The following ATP2B3 variants were observed in gnomAD, a reference collection of about 807,000 sequenced individuals.
ATP2B3 encodes the protein ATPase plasma membrane Ca2+ transporting 3.
ATP2B3 carries 12 observed loss-of-function variants against 70.8 expected under a neutral mutation model. That is an observed-to-expected ratio of 0.17 (90% CI 0.11 to 0.27). The LOEUF (loss-of-function observed/expected upper bound fraction) is 0.27, where lower values mean the gene tolerates loss of function less well. ATP2B3 is among the 10% of genes least tolerant of loss of function. The pLI is 1.00. For synonymous variants in ATP2B3, 460 were observed against 497.8 expected (o/e 0.92, Z 1.01); for missense variants, 858 against 1,118.5 (o/e 0.77, Z 3.32).
intron 21 of ATP2B3, among the ~76,000 whole-genome samples, chrX:153,568,730 G>T (rs2090746698): frequency 8.9e-6 from 1 of 112,244 alleles, no homozygotes; most frequent in Non-Finnish European, 1.9e-5. Flanking sequence ...CGGTGCAGGG[G>T]GAGTCTGAAC....
chrX:153,580,168 C>CCCCCCCCCCCACCCCCATA lies in ATP2B3; in HGVS notation c.3537_3538insCCCCCCACCCCCATACCCC (p.Asn1180ProfsTer119). The CCCCCCCCCCCACCCCCATA allele has an allele frequency of 1.0e-6, 1 of 983,393 alleles. No homozygotes were observed. Among genetic ancestry groups the CCCCCCCCCCCACCCCCATA allele is most frequent in the South Asian group, 1.9e-5 (1 of 52,318 alleles). 81.0% of individuals were successfully genotyped at this position (983,393 alleles called of 1,213,427 possible). A position where few individuals can be genotyped will look rare whatever the true frequency, so the allele number is the denominator to read the frequency against. On this transcript the variant is annotated frameshift_variant, in exon 22 of 22. Transcript: ENST00000263519. LOFTEE classifies it high-confidence loss of function. ...CGCCTCCGGGCCCCCCCGCCCCCGT[C>CCCCCCCCCCCACCCCCATA]CCCCAACCAGAACAACAACGCCATA...
chrX:153,521,266 G>A (rs781783665), intron 2 of ATP2B3, among the ~76,000 whole-genome samples: 1 of 113,303 alleles, frequency 8.8e-6, no homozygotes, highest in East Asian at 2.8e-4. Context: ...TCCCCTGCCT[G>A]GGCTCCTTCT....
At chrX:153,548,958 G>A in intron 10 of ATP2B3, 104 bp downstream of exon 10, 1 of 821,484 alleles carries the variant, frequency 1.2e-6, no homozygotes, top group Non-Finnish European at 1.7e-6. Context: ...GTTTGGGATA[G>A]CTCAAGGGAG....
At chrX:153,567,708 C>G (rs1273118920) in intron 21 of ATP2B3, among the ~76,000 whole-genome samples, 2 of 111,700 alleles carry the variant, frequency 1.8e-5, no homozygotes, top group Non-Finnish European at 3.8e-5. Context: ...TCGGTGCTCA[C>G]AGAGACACGG....
intron 21 of ATP2B3, among the ~76,000 whole-genome samples, chrX:153,575,123 C>A (rs1160794814): frequency 8.9e-6 from 1 of 112,256 alleles, no homozygotes; most frequent in Non-Finnish European, 1.9e-5. Context: ...GGAGCCCCTG[C>A]GTGGGGTGTT....
chrX:153,579,814 C>T (rs781987558), intron 21 of ATP2B3, among the ~76,000 whole-genome samples, 164 bp from the exon 22 acceptor site: 2 of 112,017 alleles, frequency 1.8e-5, no homozygotes, highest in South Asian at 7.5e-4. Flanking sequence ...TTTCTCATGC[C>T]ATGACCCCCA....
At chrX:153,561,775 C>T (rs1210825651) in intron 19 of ATP2B3, among the ~76,000 whole-genome samples, 1 of 112,694 alleles carries the variant, frequency 8.9e-6, no homozygotes, top group Non-Finnish European at 1.9e-5. Context: ...GGATGCCTCC[C>T]GAGGAGGCAG....
rs1457099477 is a variant in ATP2B3 at position 153,547,951 on chromosome X, G to A, written c.1075G>A (p.Val359Ile). ...KANAPKKEKS[V>I]LQGKLTKLAV... ...CAACGCACCCAAAAAGGAGAAGTCTGTCCTTCAGGGGAAGCTCACAAAGCT... is the reference window on the plus strand; with the variant it reads ...CAACGCACCCAAAAAGGAGAAGTCTATCCTTCAGGGGAAGCTCACAAAGCT... The change falls in exon 9 of 22, where the codon GTC (valine) becomes ATC (isoleucine). Residue 359 changes from valine to isoleucine, a missense_variant. Coordinates refer to ENST00000263519, the MANE Select transcript of ATP2B3 (RefSeq NM_001001344.3). 8.3e-7 allele frequency: 1 copy of A among 1,209,555 alleles called. No homozygotes were observed. The highest frequency in any genetic ancestry group is 1.7e-5 in the African/African-American group (1 of 57,404).
At chrX:153,555,305 C>T (rs1160609405) in intron 13 of ATP2B3, among the ~76,000 whole-genome samples, 1 of 111,111 alleles carries the variant, frequency 9.0e-6, no homozygotes, top group African/African-American at 3.3e-5. Context: ...CTACCCCTGG[C>T]TCCCACTCCT....
chrX:153,549,414 C>T (rs2090422610), intron 10 of ATP2B3, 83 bp from the exon 11 acceptor site: 1 of 1,188,077 alleles, frequency 8.4e-7, no homozygotes, highest in Non-Finnish European at 1.1e-6. Flanking sequence ...AGAACAGAGT[C>T]ACGCGATGTT....
At chrX:153,550,637 C>T (rs1226166230) in intron 12 of ATP2B3, among the ~76,000 whole-genome samples, 3 of 111,771 alleles carry the variant, frequency 2.7e-5, no homozygotes, top group African/African-American at 6.5e-5. Flanking sequence ...AAAGTTTTTC[C>T]GTTTCCCTCA....
At chrX:153,573,947 A>G (rs1292555119) in intron 21 of ATP2B3, among the ~76,000 whole-genome samples, 2 of 112,731 alleles carry the variant, frequency 1.8e-5, no homozygotes, top group African/African-American at 3.2e-5. Flanking sequence ...CAACACACAC[A>G]CAGCCATGTC....
At chrX:153,539,112 T>TG (rs1264905490) in intron 3 of ATP2B3, among the ~76,000 whole-genome samples, 1 of 112,263 alleles carries the variant, frequency 8.9e-6, no homozygotes, top group Non-Finnish European at 1.9e-5. Flanking sequence ...TTAAGTCACT[T>TG]GGGGGGTCTT....
chrX:153,532,016 G>A (rs1471840222), intron 2 of ATP2B3, among the ~76,000 whole-genome samples: 1 of 112,013 alleles, frequency 8.9e-6, no homozygotes, highest in Non-Finnish European at 1.9e-5. Context: ...GAGCGTCCCA[G>A]CAAGGGCGGC....
intron 13 of ATP2B3, 32 bp downstream of exon 13, chrX:153,553,301 G>A (rs200761173): frequency 1.7e-6 from 2 of 1,156,152 alleles, no homozygotes; most frequent in East Asian, 3.0e-5. Flanking sequence ...AGCTGCCCTG[G>A]TAACTGTGCC....
chrX:153,569,251 T>C, intron 21 of ATP2B3: 1 of 464,211 alleles, frequency 2.2e-6, no homozygotes. Flanking sequence ...CTCAGGTGTG[T>C]TGGAGAGGAA....
chrX:153,542,712 A>G (rs2090305577), intron 6 of ATP2B3, among the ~76,000 whole-genome samples: 1 of 113,278 alleles, frequency 8.8e-6, no homozygotes, highest in South Asian at 3.6e-4. Flanking sequence ...AGAGGCTTGC[A>G]GGGGCCAGCA....
intron 2 of ATP2B3, chrX:153,532,977 T>A (rs1189907817): frequency 8.9e-6 from 1 of 111,995 alleles, no homozygotes; most frequent in Admixed American, 9.4e-5. Context: ...AACTGATGGA[T>A]CCTGTCTGCC....
chrX:153,561,460 A>C (rs1603103023), intron 19 of ATP2B3, among the ~76,000 whole-genome samples: 3 of 112,455 alleles, frequency 2.7e-5, no homozygotes, highest in African/African-American at 9.7e-5. Context: ...CAGAGACCCC[A>C]AGAGGAGGAC....
Sources: allele counts gnomAD v4.1 joint callset (sites outside exome capture counted in the v4.1 genomes callset), GRCh38; gene constraint gnomAD v4.1.1; transcripts MANE v1.5; gene names NCBI Gene and HGNC (gene_info 2026-07-23, HGNC 2026-07-21).